CCL18: variants seen among roughly 807,000 people sequenced by gnomAD.
The protein encoded by CCL18 is C-C motif chemokine 18.
Under a neutral mutation model 8.0 loss-of-function variants are expected in CCL18, and 7 were observed. The ratio of observed to expected loss-of-function variants is 0.87; its 90% CI spans 0.50 to 1.64. The LOEUF (loss-of-function observed/expected upper bound fraction) is 1.64, where lower values mean the gene tolerates loss of function less well. CCL18 is among the 40% of genes most tolerant of loss of function. CCL18 has a pLI of 0.00. For synonymous variants in CCL18, 35 were observed against 41.3 expected (o/e 0.85, Z 0.59); for missense variants, 95 against 107.8 (o/e 0.88, Z 0.52).
chr17:36,070,271 T>G, intron 1 of CCL18, 176 bp from the exon 2 acceptor site: 4 of 524,422 alleles, frequency 7.6e-6, no homozygotes, highest in Non-Finnish European at 1.4e-5. Flanking sequence ...ATGCAGAAAT[T>G]AAAATGTCAG....
intron 1 of CCL18, among the ~76,000 whole-genome samples, chr17:36,067,140 A>G (rs2066841785): frequency 6.6e-6 from 1 of 152,224 alleles, no homozygotes; most frequent in African/African-American, 2.4e-5. Context: ...AATGACAAGA[A>G]TGATGGGGCC....
At chr17:36,069,734 A>G (rs1277668163) in intron 1 of CCL18, among the ~76,000 whole-genome samples, 1 of 152,184 alleles carries the variant, frequency 6.6e-6, no homozygotes, top group African/African-American at 2.4e-5. Flanking sequence ...CCCGGCAGCC[A>G]TGGGAGCTCA....
intron 1 of CCL18, among the ~76,000 whole-genome samples, chr17:36,066,571 A>C (rs2066838273): frequency 6.6e-6 from 1 of 152,258 alleles, no homozygotes; most frequent in Non-Finnish European, 1.5e-5. Flanking sequence ...TGGGTCCCCC[A>C]GGGGTTCAGG....
At chr17:36,068,304 G>T (rs945774852) in intron 1 of CCL18, among the ~76,000 whole-genome samples, 1 of 151,700 alleles carries the variant, frequency 6.6e-6, no homozygotes, top group Non-Finnish European at 1.5e-5. Flanking sequence ...AACTGCACTG[G>T]AAAGAAATAT....
At position 36,070,989 on chromosome 17, in the gene CCL18, C is replaced by G; in HGVS notation, c.218C>G (p.Pro73Arg). ...TKRGRQICAD[P>R]NKKWVQKYIS... Reference sequence around the variant, plus strand: ...AGAGGCCGGCAGATCTGTGCTGACCCCAATAAGAAGTGGGTCCAGAAATAC... The same window carrying G: ...AGAGGCCGGCAGATCTGTGCTGACCGCAATAAGAAGTGGGTCCAGAAATAC... The change falls in exon 3 of 3, where the codon CCC becomes CGC. Residue 73 changes from proline to arginine, a missense_variant. Physicochemically the swap from Pro to Arg is moderately radical, Grantham distance 103. Coordinates refer to ENST00000616054, the MANE Select transcript of CCL18 (RefSeq NM_002988.4). The G allele has an allele frequency of 1.9e-6, 3 of 1,614,056 alleles. No individual in the cohort carries two copies. Among genetic ancestry groups the G allele is most frequent in the Non-Finnish European group, 2.5e-6 (3 of 1,179,934 alleles).
At chr17:36,066,365 G>A (rs899453765) in intron 1 of CCL18, among the ~76,000 whole-genome samples, 1 of 152,170 alleles carries the variant, frequency 6.6e-6, no homozygotes, top group Non-Finnish European at 1.5e-5. Flanking sequence ...TCAGTGTTGG[G>A]CAGGCAGAGG....
Position 36,071,095 on chromosome 17 carries a change from G to A in CCL18, c.*54G>A. ...AACTTGGTGGGCCCAGGAGGGAACA[G>A]GAGCCTGAGCCAGGGCAATGGCCCT... On this transcript the variant is annotated 3_prime_UTR_variant, in exon 3 of 3. Transcript: ENST00000616054. 1 of 1,309,794 alleles carries A rather than the reference G, an allele frequency of 7.6e-7. No homozygotes were observed. The highest frequency in any genetic ancestry group is 1.8e-5 in the Admixed American group (1 of 54,568). The allele number at this position is 1,309,794 out of a possible 1,614,324, so 81.1% of individuals were successfully genotyped here.
intron 1 of CCL18, among the ~76,000 whole-genome samples, chr17:36,065,541 A>G (rs975325506): frequency 6.6e-6 from 1 of 152,178 alleles, no homozygotes; most frequent in East Asian, 1.9e-4. Context: ...ACGCCAGGGT[A>G]AGAGCACCAG....
At position 36,071,310 on chromosome 17, in the gene CCL18, A is replaced by C; in HGVS notation, c.*269A>C. The C allele has an allele frequency of 2.3e-6, 1 of 444,322 alleles. No individual in the cohort carries two copies. The highest frequency in any genetic ancestry group is 4.0e-6 in the Non-Finnish European group (1 of 249,686). The allele number at this position is 444,322 out of a possible 1,614,324, so 27.5% of individuals were successfully genotyped here. On this transcript the variant is annotated 3_prime_UTR_variant, in exon 3 of 3. Transcript: ENST00000616054. The stretch of plus-strand genomic sequence containing the variant: ...TTATCATCCTTTCCCCTTTCCCTTC[A>C]ACTCTTCGTACATTCAATGCATGGA...
intron 1 of CCL18, among the ~76,000 whole-genome samples, chr17:36,070,032 C>T (rs2066857272): frequency 6.6e-6 from 1 of 151,922 alleles, no homozygotes; most frequent in Non-Finnish European, 1.5e-5. Context: ...AGAGTGAGTC[C>T]CATTCTATGG....
Position 36,071,437 on chromosome 17 carries a change from G to T in CCL18, c.*396G>T, listed in dbSNP as rs1016505520. On this transcript the variant is annotated 3_prime_UTR_variant, in exon 3 of 3. Coordinates refer to ENST00000616054, the MANE Select transcript of CCL18 (RefSeq NM_002988.4). ...GCTCAGCACCACCTTTTAATATATT[G>T]GCAGTACTTATTATATAAAAGGTAA... 3 of 165,674 alleles carry T rather than the reference G, an allele frequency of 1.8e-5. No homozygotes were observed. Among genetic ancestry groups the T allele is most frequent in the Non-Finnish European group, 2.6e-5 (2 of 76,626 alleles). 10.3% of individuals were successfully genotyped at this position (165,674 alleles called of 1,614,324 possible). A position where few individuals can be genotyped will look rare whatever the true frequency, so the allele number is the denominator to read the frequency against.
At chr17:36,068,450 C>CA (rs2066848813) in intron 1 of CCL18, among the ~76,000 whole-genome samples, 1 of 152,138 alleles carries the variant, frequency 6.6e-6, no homozygotes. Flanking sequence ...AAAAAACTCT[C>CA]ACATTCCTGC....
At position 36,071,799 on chromosome 17, in the gene CCL18, G is replaced by A. The variant is rs1056740513; in HGVS notation, c.*758G>A. ...TTCCTCAGAATGATGGCTAACATCT[G>A]TTGAGGTCTTACCAAGTGCTGGGTT... On this transcript the variant is annotated 3_prime_UTR_variant, in exon 3 of 3. Transcript: ENST00000616054. 6.6e-6 allele frequency: 1 copy of A among 152,174 alleles called. No individual in the cohort carries two copies. The highest frequency in any genetic ancestry group is 1.5e-5 in the Non-Finnish European group (1 of 68,026). The allele number at this position is 152,174 out of a possible 1,614,324, so 9.4% of individuals were successfully genotyped here.
At position 36,070,444 on chromosome 17, in the gene CCL18, C is replaced by T; in HGVS notation, c.68-3C>T. ...TGGGATCTTTCTGTCCTGTCTCTTGCAGTTGGTACCAACAAAGAGCTCTGC... is the reference window on the plus strand; with the variant it reads ...TGGGATCTTTCTGTCCTGTCTCTTGTAGTTGGTACCAACAAAGAGCTCTGC... On this transcript the variant is annotated splice_region_variant and splice_polypyrimidine_tract_variant and intron_variant, in intron 1 of 2. Transcript: ENST00000616054. 6.4e-7 allele frequency: 1 copy of T among 1,568,710 alleles called. No homozygotes were observed. Among genetic ancestry groups the T allele is most frequent in the Middle Eastern group, 1.7e-4 (1 of 5,952 alleles).
At position 36,070,960 on chromosome 17, in the gene CCL18, C is replaced by T. The variant is rs764229182; in HGVS notation, c.189C>T (p.Thr63=). 6.2e-7 allele frequency: 1 copy of T among 1,612,918 alleles called. No individual in the cohort carries two copies. The change falls in exon 3 of 3, where the codon ACC becomes ACT. Residue 63 remains threonine (T), a synonymous_variant. Coordinates refer to ENST00000616054, the MANE Select transcript of CCL18 (RefSeq NM_002988.4). ...CCTCCCTTCTCCACAGCCTCCTAAC[C>T]AAGAGAGGCCGGCAGATCTGTGCTG... is the stretch of plus-strand genomic sequence containing the variant. ...QCPKPGVILL[T]KRGRQICADP...
chr17:36,066,434 T>C (rs2066837432), intron 1 of CCL18, among the ~76,000 whole-genome samples: 1 of 152,054 alleles, frequency 6.6e-6, no homozygotes, highest in Admixed American at 6.6e-5. Context: ...CGTTCTGGGG[T>C]CCAAGCCATG....
intron 1 of CCL18, among the ~76,000 whole-genome samples, chr17:36,067,756 C>G (rs1049665222): frequency 1.3e-5 from 2 of 152,058 alleles, no homozygotes; most frequent in African/African-American, 4.8e-5. Flanking sequence ...ATGCACTAGG[C>G]TTAAGTAAAT....
chr17:36,070,536 C>T lies in CCL18; in HGVS notation c.157C>T (p.Gln53Ter). 2.5e-6 allele frequency: 4 copies of T among 1,612,614 alleles called. No individual in the cohort carries two copies. The highest frequency in any genetic ancestry group is 3.4e-6 in the Non-Finnish European group (4 of 1,178,564). ...FIVDYSETSPQCPKPGVILLT... is the reference protein window; with the variant it reads ...FIVDYSETSP Reference sequence around the variant, plus strand: ...AGTTGACTATTCTGAAACCAGCCCCCAGTGCCCCAAGCCAGGTGTCATGTA... The same window carrying T: ...AGTTGACTATTCTGAAACCAGCCCCTAGTGCCCCAAGCCAGGTGTCATGTA... The change falls in exon 2 of 3, where the codon CAG becomes TAG. Residue 53 changes from glutamine (Q) to a stop codon, truncating the protein, a stop_gained. Transcript: ENST00000616054. LOFTEE classifies it low-confidence loss of function (END_TRUNC).
At position 36,071,484 on chromosome 17, in the gene CCL18, A is replaced by T; in HGVS notation, c.*443A>T. ...GTAAACCAGCATTCTCACTGTGACG[A>T]CTCTGTTGATTTTGTTTCACTAATC... is the stretch of plus-strand genomic sequence containing the variant. On this transcript the variant is annotated 3_prime_UTR_variant, in exon 3 of 3. Coordinates refer to ENST00000616054, the MANE Select transcript of CCL18 (RefSeq NM_002988.4). 1 of 154,928 alleles carries T rather than the reference A, an allele frequency of 6.5e-6. No individual in the cohort carries two copies. The highest frequency in any genetic ancestry group is 6.3e-5 in the Admixed American group (1 of 15,764). 9.6% of individuals were successfully genotyped at this position (154,928 alleles called of 1,614,324 possible).
Sources: gnomAD v4.1 joint callset for allele counts (sites outside exome capture counted in the v4.1 genomes callset) on GRCh38, gnomAD v4.1.1 for gene constraint, MANE v1.5 for transcripts, NCBI Gene and HGNC (gene_info 2026-07-23, HGNC 2026-07-21) for gene names.